Variants in UNC13B observed in about 807,000 individuals in gnomAD.
The protein encoded by UNC13B is protein unc-13 homolog B.
A neutral mutation model predicts 211.0 loss-of-function variants in UNC13B; 144 were observed. That is an observed-to-expected ratio of 0.68 (90% CI 0.60 to 0.78). The LOEUF is 0.78. UNC13B is among the 30% of genes least tolerant of loss of function. UNC13B has a pLI of 0.00. For synonymous variants in UNC13B, 709 were observed against 725.8 expected (o/e 0.98, Z 0.37); for missense variants, 1,777 against 2,002.0 (o/e 0.89, Z 2.14).
Position 35,367,135 on chromosome 9 carries a change from C to G in UNC13B, c.9461+142C>G, listed in dbSNP as rs563612927. 1.4e-4 allele frequency: 106 copies of G among 780,112 alleles called. 1 individual carries two copies. In the South Asian group the frequency reaches 1.7e-3, roughly 12 times the overall value. 48.3% of individuals were successfully genotyped at this position (780,112 alleles called of 1,614,324 possible). A position where few individuals can be genotyped will look rare whatever the true frequency, so the allele number is the denominator to read the frequency against. Reference sequence around the variant, plus strand: ...AGGTTCCACTATAGGTTGGTTGGTTCTCTGAGGCAGAGGAGAGAACTCTGC... The same window carrying G: ...AGGTTCCACTATAGGTTGGTTGGTTGTCTGAGGCAGAGGAGAGAACTCTGC... On this transcript the variant is annotated intron_variant, in intron 12 of 39. Coordinates refer to ENST00000635942, the MANE Select transcript of UNC13B (RefSeq NM_001371189.2).
chr9:35,300,455 T>A lies in UNC13B; in HGVS notation c.1051T>A (p.Cys351Ser). The A allele has an allele frequency of 5.0e-6, 2 of 399,058 alleles. No homozygotes were observed. Among genetic ancestry groups the A allele is most frequent in the Non-Finnish European group, 8.8e-6 (2 of 226,054 alleles). 24.7% of individuals were successfully genotyped at this position (399,058 alleles called of 1,614,324 possible). Residue 351 changes from cysteine to serine, a missense_variant, in exon 9 of 40, where the codon TGT becomes AGT. Physicochemically the swap from Cys to Ser is moderately radical, Grantham distance 112. Coordinates refer to ENST00000635942, the MANE Select transcript of UNC13B (RefSeq NM_001371189.2). ...TGATCTGTCCAGTTGTTTAAGGCAC[T>A]GTGAAAAGTCATCTGGCTCAAACCA... ...DYDLSSCLRH[C>S]EKSSGSNQHV...
chr9:35,330,728 C>T (rs1173166733), intron 11 of UNC13B, among the ~76,000 whole-genome samples: 1 of 152,172 alleles, frequency 6.6e-6, no homozygotes, highest in East Asian at 1.9e-4. Flanking sequence ...GGATGTTCAT[C>T]AATGGTGGAT....
intron 12 of UNC13B, among the ~76,000 whole-genome samples, chr9:35,369,036 C>T (rs1449344030): frequency 6.6e-6 from 1 of 152,150 alleles, no homozygotes; most frequent in African/African-American, 2.4e-5. Flanking sequence ...CTTTCACCTT[C>T]GTCCTTAGAA....
At chr9:35,213,391 T>A (rs1824078823) in intron 1 of UNC13B, among the ~76,000 whole-genome samples, 1 of 152,186 alleles carries the variant, frequency 6.6e-6, no homozygotes, top group Admixed American at 6.5e-5. Flanking sequence ...GTATGAGCCC[T>A]TACTGAGGAA....
At chr9:35,272,537 C>A (rs1291732206) in intron 7 of UNC13B, among the ~76,000 whole-genome samples, 1 of 152,010 alleles carries the variant, frequency 6.6e-6, no homozygotes, top group Non-Finnish European at 1.5e-5. Context: ...GGATTACAGG[C>A]GTGAGCCACC....
intron 6 of UNC13B, among the ~76,000 whole-genome samples, chr9:35,256,143 A>G (rs946959516): frequency 2.0e-5 from 3 of 152,154 alleles, no homozygotes; most frequent in African/African-American, 7.2e-5. Context: ...ACTAAAGAGT[A>G]TTTTTTATTT....
In UNC13B at chr9:35,352,647, C is replaced by T. The variant is rs1455407783; in HGVS notation, c.9415-14300C>T. The T allele has an allele frequency of 2.4e-6, 3 of 1,231,984 alleles. No individual in the cohort carries two copies. The African/African-American group carries it at 4.7e-5, about 19-fold the overall frequency. The allele number at this position is 1,231,984 out of a possible 1,614,324, so 76.3% of individuals were successfully genotyped here. A position where few individuals can be genotyped will look rare whatever the true frequency, so the allele number is the denominator to read the frequency against. ...CACCAGGCCCCTGAGCAGCAAGGCC[C>T]TTGCTTTCTACTCAAGAACAATTTA... On this transcript the variant is annotated intron_variant, in intron 11 of 39. Transcript: ENST00000635942.
At chr9:35,392,715 T>C (rs1037344852) in intron 26 of UNC13B, among the ~76,000 whole-genome samples, 2 of 151,558 alleles carry the variant, frequency 1.3e-5, no homozygotes, top group East Asian at 1.9e-4. Context: ...GTGGGTGCAG[T>C]GCACCAGCAT....
In UNC13B at chr9:35,304,588, T is replaced by G. The variant is rs1321518830; in HGVS notation, c.5184T>G (p.Thr1728=). The change falls in exon 9 of 40, where the codon ACT becomes ACG. Residue 1728 remains threonine (T), a synonymous_variant. Transcript: ENST00000635942. ...WLQSSVEEVT[T]LVHPENMTKG... is the part of the protein sequence containing the mutation. The stretch of plus-strand genomic sequence containing the variant: ...AGTCTTCTGTTGAAGAAGTTACCAC[T>G]TTGGTTCATCCTGAAAATATGACTA... The G allele has an allele frequency of 1.0e-5, 4 of 398,688 alleles. No homozygotes were observed. The highest frequency in any genetic ancestry group is 6.2e-4 in the Middle Eastern group (1 of 1,608). 24.7% of individuals were successfully genotyped at this position (398,688 alleles called of 1,614,324 possible). A position where few individuals can be genotyped will look rare whatever the true frequency, so the allele number is the denominator to read the frequency against.
intron 7 of UNC13B, among the ~76,000 whole-genome samples, chr9:35,271,155 A>G (rs909703473): frequency 1.3e-5 from 2 of 151,758 alleles, no homozygotes; most frequent in African/African-American, 4.8e-5. Flanking sequence ...AAAAAAAAAA[A>G]AAAGGACATT....
Position 35,313,915 on chromosome 9 carries a change from G to C in UNC13B, c.9340G>C (p.Ala3114Pro), listed in dbSNP as rs765082339. The change falls in exon 11 of 40, where the codon GCA (alanine) becomes CCA (proline). Residue 3114 changes from alanine (A) to proline (P), a missense_variant. Physicochemically the swap from Ala to Pro is conservative, Grantham distance 27. Transcript: ENST00000635942. ...GPQESFPEEN[A>P]SSPFTQARAH... ...TGTTACAAGTTTTCCTGAGGAGAAT[G>C]CATCTTCACCATTTACCCAAGCCAG... 1 of 1,613,612 alleles carries C rather than the reference G, an allele frequency of 6.2e-7. No homozygotes were observed. Among genetic ancestry groups the C allele is most frequent in the Non-Finnish European group, 8.5e-7 (1 of 1,179,600 alleles).
At chr9:35,327,191 G>A (rs1199434382) in intron 11 of UNC13B, among the ~76,000 whole-genome samples, 1 of 152,078 alleles carries the variant, frequency 6.6e-6, no homozygotes, top group Admixed American at 6.6e-5. Flanking sequence ...TTGCCTAGTT[G>A]GTCAGTGTAT....
intron 26 of UNC13B, among the ~76,000 whole-genome samples, chr9:35,395,184 G>A (rs1306096305): frequency 6.6e-6 from 1 of 152,034 alleles, no homozygotes; most frequent in Non-Finnish European, 1.5e-5. Context: ...TGTCTGCTCT[G>A]TCACAAGCAA....
At chr9:35,394,302 G>A (rs1040515414) in intron 26 of UNC13B, among the ~76,000 whole-genome samples, 1 of 152,066 alleles carries the variant, frequency 6.6e-6, no homozygotes, top group Non-Finnish European at 1.5e-5. Context: ...TGTTCCATCC[G>A]AAGCTTATAT....
At chr9:35,331,988 G>A (rs1831396297) in intron 11 of UNC13B, among the ~76,000 whole-genome samples, 1 of 150,754 alleles carries the variant, frequency 6.6e-6, no homozygotes, top group East Asian at 2.0e-4. Flanking sequence ...CTTCCAACTA[G>A]CCTTTTTTTT....
chr9:35,238,300 C>T (rs1825625153), intron 5 of UNC13B, among the ~76,000 whole-genome samples: 1 of 152,068 alleles, frequency 6.6e-6, no homozygotes, highest in Non-Finnish European at 1.5e-5. Context: ...AGTTTATTTT[C>T]CCAGTTCCTT....
intron 6 of UNC13B, among the ~76,000 whole-genome samples, chr9:35,257,062 G>A (rs914752575): frequency 1.5e-4 from 23 of 151,828 alleles, no homozygotes; most frequent in African/African-American, 5.1e-4. Context: ...ATTCCTCATG[G>A]TTATGTCTAT....
At chr9:35,178,941 A>T (rs1001593516) in intron 1 of UNC13B, among the ~76,000 whole-genome samples, 1 of 151,788 alleles carries the variant, frequency 6.6e-6, no homozygotes, top group Non-Finnish European at 1.5e-5. Context: ...AATCAATGAA[A>T]TACTGAAGCT....
At chr9:35,248,710 G>A (rs1000804163) in intron 6 of UNC13B, among the ~76,000 whole-genome samples, 2 of 152,082 alleles carry the variant, frequency 1.3e-5, no homozygotes, top group Admixed American at 6.5e-5. Context: ...ATTGCACTGT[G>A]GTCTGAGAGA....
Sources: gnomAD v4.1 joint callset for allele counts (sites outside exome capture counted in the v4.1 genomes callset) on GRCh38, gnomAD v4.1.1 for gene constraint, MANE v1.5 for transcripts, NCBI Gene and HGNC (gene_info 2026-07-23, HGNC 2026-07-21) for gene names.